S100A12: variants seen among roughly 807,000 people sequenced by gnomAD.
S100A12 encodes S100 calcium binding protein A12, also known as protein S100-A12.
Under a neutral mutation model 4.0 loss-of-function variants are expected in S100A12, and 3 were observed. That is an observed-to-expected ratio of 0.75 (90% confidence interval 0.34 to 1.94). The LOEUF (loss-of-function observed/expected upper bound fraction) is 1.94, where lower values mean the gene tolerates loss of function less well. Among genes scored for constraint, S100A12 ranks in the 30% most tolerant of loss-of-function variants. S100A12 has a pLI of 0.07. For synonymous variants in S100A12, 50 were observed against 41.4 expected, an observed-to-expected ratio of 1.21 and a Z score of -0.79; for missense variants, 122 against 107.0, an observed-to-expected ratio of 1.14 and a Z score of -0.62.
chr1:153,374,160 C>T (rs1022273565), intron 2 of S100A12, 193 bp from the exon 3 acceptor site: 7 of 717,192 alleles, frequency 9.8e-6, no homozygotes, highest in African/African-American at 1.7e-5. Flanking sequence ...ATTAACAAGG[C>T]TTGACCTGGA....
In S100A12 at chr1:153,373,862, G is replaced by A; in HGVS notation, c.244C>T (p.Leu82=). 6.2e-7 allele frequency: 1 copy of A among 1,613,392 alleles called. No homozygotes were observed. The highest frequency in any genetic ancestry group is 8.5e-7 in the Non-Finnish European group (1 of 1,179,294). ...QEFISLVAIA[L]KAAHYHTHKE is the part of the protein sequence containing the mutation. ...TGGGTGTGGTAATGGGCAGCCTTCAGCGCAATGGCTACCAGGGATATGAAT... is the reference window on the plus strand; with the variant it reads ...TGGGTGTGGTAATGGGCAGCCTTCAACGCAATGGCTACCAGGGATATGAAT... The change falls in exon 3 of 3, where the codon CTG becomes TTG. Residue 82 remains leucine, a synonymous_variant. Transcript: ENST00000368737.
chr1:153,373,967 T>C lies in S100A12; in HGVS notation c.139A>G (p.Asn47Asp). 6.2e-7 allele frequency: 1 copy of C among 1,613,684 alleles called. No homozygotes were observed. The highest frequency in any genetic ancestry group is 8.5e-7 in the Non-Finnish European group (1 of 1,179,592). Residue 47 changes from asparagine (N) to aspartate (D), a missense_variant and splice_region_variant, in exon 3 of 3, where the codon AAT becomes GAT. Coordinates refer to ENST00000368737, the MANE Select transcript of S100A12 (RefSeq NM_005621.2). ...LTKELANTIK[N>D]IKDKAVIDEI... Reference sequence around the variant, plus strand: ...TCAATGACAGCTTTATCTTTGATATTCTAGGAAAAAAGGACAACAGAGACC... The same window carrying C: ...TCAATGACAGCTTTATCTTTGATATCCTAGGAAAAAAGGACAACAGAGACC...
At chr1:153,374,863 C>T (rs1025155268) in intron 1 of S100A12, among the ~76,000 whole-genome samples, 1 of 152,136 alleles carries the variant, frequency 6.6e-6, no homozygotes, top group South Asian at 2.1e-4. Context: ...ACCTCATCCA[C>T]CGGGGTGCAT....
At chr1:153,374,009 C>G (rs1661677761) in intron 2 of S100A12, 42 bp from the exon 3 acceptor site, 1 of 1,598,704 alleles carries the variant, frequency 6.3e-7, no homozygotes, top group Non-Finnish European at 8.6e-7. Flanking sequence ...TCAGAACCTC[C>G]ACACAAGACC....
chr1:153,374,351 G>A, intron 2 of S100A12, 104 bp downstream of exon 2: 4 of 1,228,902 alleles, frequency 3.3e-6, no homozygotes, highest in Non-Finnish European at 2.3e-6. Flanking sequence ...TCAAACTGGG[G>A]CCAACCCCAC....
Position 153,373,841 on chromosome 1 carries a change from T to G in S100A12, c.265A>C (p.Thr89Pro), listed in dbSNP as rs781005540. Residue 89 changes from threonine to proline, a missense_variant, in exon 3 of 3, where the codon ACC becomes CCC. Coordinates refer to ENST00000368737, the MANE Select transcript of S100A12 (RefSeq NM_005621.2). ...AIALKAAHYH[T>P]HKE ...CAGAGAGCTACCTACTCTTTGTGGG[T>G]GTGGTAATGGGCAGCCTTCAGCGCA... is the stretch of plus-strand genomic sequence containing the variant. 6.2e-7 allele frequency: 1 copy of G among 1,613,792 alleles called. No individual in the cohort carries two copies. Among genetic ancestry groups the G allele is most frequent in the Admixed American group, 1.7e-5 (1 of 60,020 alleles).
chr1:153,373,981 A>G lies in S100A12; in HGVS notation c.139-14T>C. ...ATCTTTGATATTCTAGGAAAAAAGG[A>G]CAACAGAGACCTTGAGTTCAGAACC... is the stretch of plus-strand genomic sequence containing the variant. On this transcript the variant is annotated splice_polypyrimidine_tract_variant and intron_variant, in intron 2 of 2. Coordinates refer to ENST00000368737, the MANE Select transcript of S100A12 (RefSeq NM_005621.2). The G allele has an allele frequency of 6.2e-7, 1 of 1,613,106 alleles. No individual in the cohort carries two copies. Among genetic ancestry groups the G allele is most frequent in the Non-Finnish European group, 8.5e-7 (1 of 1,179,062 alleles).
At chr1:153,375,017 T>A (rs3014884) in intron 1 of S100A12, among the ~76,000 whole-genome samples, 1 of 151,924 alleles carries the variant, frequency 6.6e-6, no homozygotes, top group Non-Finnish European at 1.5e-5. Context: ...CCATTCTTTT[T>A]TTGTTGTTGT....
rs1037738158 is a variant in S100A12 at position 153,374,714 on chromosome 1, T to A, written c.-20-102A>T. 3.3e-5 allele frequency: 25 copies of A among 746,774 alleles called. No homozygotes were observed. In the Admixed American group the frequency reaches 3.5e-4, roughly 11 times the overall value. The allele number at this position is 746,774 out of a possible 1,614,324, so 46.3% of individuals were successfully genotyped here. The stretch of plus-strand genomic sequence containing the variant: ...TCAAGGGCCTAAAGAAAACATAACA[T>A]CCTCCATATCTATTTTGTGGTCTCT... On this transcript the variant is annotated intron_variant, in intron 1 of 2. Transcript: ENST00000368737.
chr1:153,374,913 G>T (rs1661693169), intron 1 of S100A12, among the ~76,000 whole-genome samples: 2 of 152,186 alleles, frequency 1.3e-5, no homozygotes, highest in Non-Finnish European at 2.9e-5. Context: ...CCTTGGGAAG[G>T]GTTCTGTGAT....
At chr1:153,375,294 C>T (rs1401843735) in intron 1 of S100A12, among the ~76,000 whole-genome samples, 6 of 152,106 alleles carry the variant, frequency 3.9e-5, no homozygotes, top group African/African-American at 7.2e-5. Flanking sequence ...ATGATCCGCC[C>T]GCCTCGGCCT....
At chr1:153,374,012 A>G (rs756003548) in intron 2 of S100A12, 45 bp from the exon 3 acceptor site, 1 of 1,596,078 alleles carries the variant, frequency 6.3e-7, no homozygotes, top group South Asian at 1.1e-5. Context: ...GAACCTCCAC[A>G]CAAGACCCTT....
rs1045140802 is a variant in S100A12 at position 153,374,138 on chromosome 1, A to G, written c.139-171T>C. ...CAAAACAGAGAACACAATGGTCATGAACCACCCTGGAATTAACAAGGCTTG... is the reference window on the plus strand; with the variant it reads ...CAAAACAGAGAACACAATGGTCATGGACCACCCTGGAATTAACAAGGCTTG... On this transcript the variant is annotated intron_variant, in intron 2 of 2. Coordinates refer to ENST00000368737, the MANE Select transcript of S100A12 (RefSeq NM_005621.2). 297 of 752,178 alleles carry G rather than the reference A, an allele frequency of 3.9e-4. 3 individuals carry two copies. Among genetic ancestry groups the G allele is most frequent in the Admixed American group, 7.8e-5 (4 of 51,460 alleles). 46.6% of individuals were successfully genotyped at this position (752,178 alleles called of 1,614,324 possible).
At chr1:153,374,721 T>C in intron 1 of S100A12, 109 bp from the exon 2 acceptor site, 1 of 730,648 alleles carries the variant, frequency 1.4e-6, no homozygotes, top group South Asian at 1.7e-5. Context: ...ACATCCTCCA[T>C]ATCTATTTTG....
chr1:153,374,164 A>C, intron 2 of S100A12, 197 bp from the exon 3 acceptor site: 1 of 711,656 alleles, frequency 1.4e-6, no homozygotes, highest in Non-Finnish European at 2.5e-6. Context: ...ACAAGGCTTG[A>C]CCTGGAAGGT....
intron 2 of S100A12, 163 bp from the exon 3 acceptor site, chr1:153,374,130 T>C (rs1661679635): frequency 1.3e-6 from 1 of 773,134 alleles, no homozygotes; most frequent in South Asian, 1.4e-5. Context: ...GAGAACACAA[T>C]GGTCATGAAC....
chr1:153,374,278 G>A lies in S100A12; in HGVS notation c.138+177C>T, dbSNP rs151057049. Among the ~76,000 whole-genome samples the A allele has an allele frequency of 5.9e-5, 9 of 152,304 alleles. No individual in the cohort carries two copies. In the East Asian group the frequency reaches 1.7e-3, roughly 29 times the overall value. On this transcript the variant is annotated intron_variant, in intron 2 of 2. Transcript: ENST00000368737. ...AGGAACTGAGTAGAGCCTTAAGTGA[G>A]TTATTGAGAGAGGGAAGCAAAGGAC...
rs1330622931 is a variant in S100A12, at chr1:153,373,842, G to A, written c.264C>T (p.His88=). The change falls in exon 3 of 3, where the codon CAC becomes CAT. Residue 88 remains histidine (H), a synonymous_variant. Coordinates refer to ENST00000368737, the MANE Select transcript of S100A12 (RefSeq NM_005621.2). ...VAIALKAAHY[H]THKE ...AGAGAGCTACCTACTCTTTGTGGGTGTGGTAATGGGCAGCCTTCAGCGCAA... is the reference window on the plus strand; with the variant it reads ...AGAGAGCTACCTACTCTTTGTGGGTATGGTAATGGGCAGCCTTCAGCGCAA... The A allele has an allele frequency of 3.1e-6, 5 of 1,613,598 alleles. No individual in the cohort carries two copies. The highest frequency in any genetic ancestry group is 1.1e-5 in the South Asian group (1 of 91,076).
intron 2 of S100A12, 115 bp from the exon 3 acceptor site, chr1:153,374,082 A>T: frequency 1.1e-6 from 1 of 941,806 alleles, no homozygotes; most frequent in Non-Finnish European, 1.7e-6. Context: ...TTAACTCATT[A>T]GCCAACACTG....
Sources: allele counts gnomAD v4.1 joint callset (sites outside exome capture counted in the v4.1 genomes callset), GRCh38; gene constraint gnomAD v4.1.1; transcripts MANE v1.5; gene names NCBI Gene and HGNC (gene_info 2026-07-23, HGNC 2026-07-21).